Variants in SLIT3 observed in about 807,000 individuals in gnomAD.
The protein encoded by SLIT3 is slit guidance ligand 3.
In SLIT3, 68 loss-of-function variants were observed where a neutral mutation model predicts 184.0. That is an observed-to-expected ratio of 0.37 (90% CI 0.30 to 0.45). SLIT3 has a LOEUF of 0.45. Among genes scored for constraint, SLIT3 ranks in the 20% least tolerant of loss-of-function variants. The pLI is 1.00. For synonymous variants in SLIT3, 831 were observed against 828.6 expected (o/e 1.00, Z -0.05); for missense variants, 1,707 against 2,026.0 (o/e 0.84, Z 3.02).
At chr5:168,863,499 C>G (rs956106533) in intron 5 of SLIT3, among the ~76,000 whole-genome samples, 5 of 152,202 alleles carry the variant, frequency 3.3e-5, no homozygotes, top group Non-Finnish European at 5.9e-5. Context: ...AATAATTCCC[C>G]TCATTCAAAA....
chr5:169,220,203 G>A (rs1331414584), intron 3 of SLIT3, among the ~76,000 whole-genome samples: 1 of 151,864 alleles, frequency 6.6e-6, no homozygotes, highest in African/African-American at 2.4e-5. Flanking sequence ...ACAGTGCCCT[G>A]TATAGCCACT....
chr5:168,818,876 G>C (rs920713660), intron 7 of SLIT3, among the ~76,000 whole-genome samples: 2 of 152,252 alleles, frequency 1.3e-5, no homozygotes, highest in African/African-American at 2.4e-5. Flanking sequence ...CTTGGCCGCC[G>C]CAGGGGGCTC....
At chr5:168,997,744 C>T (rs1291182700) in intron 4 of SLIT3, among the ~76,000 whole-genome samples, 3 of 152,096 alleles carry the variant, frequency 2.0e-5, no homozygotes, top group South Asian at 2.1e-4. Flanking sequence ...GGAGAGAAGA[C>T]CTAGGTAGCA....
intron 5 of SLIT3, among the ~76,000 whole-genome samples, chr5:168,873,495 G>A (rs1478147865): frequency 3.3e-5 from 5 of 151,856 alleles, no homozygotes; most frequent in Admixed American, 1.3e-4. Flanking sequence ...GCCGGGTGTG[G>A]TGGCTCACAC....
At chr5:168,749,412 C>G (rs755251260) in intron 19 of SLIT3, 60 bp downstream of exon 19, 483 of 1,586,926 alleles carry the variant, frequency 3.0e-4, no homozygotes, top group Middle Eastern at 1.0e-3. Flanking sequence ...TGTGCATCTT[C>G]GCCATCTTCC....
chr5:169,274,830 T>C (rs1372643643), intron 1 of SLIT3, among the ~76,000 whole-genome samples: 3 of 152,150 alleles, frequency 2.0e-5, no homozygotes, highest in Admixed American at 2.0e-4. Flanking sequence ...TACTTACCAG[T>C]TGGGTGGTCT....
chr5:168,854,400 C>T (rs926916480), intron 5 of SLIT3, among the ~76,000 whole-genome samples: 2 of 110,140 alleles, frequency 1.8e-5, no homozygotes, highest in Non-Finnish European at 3.6e-5. Context: ...ACCATTGCCT[C>T]CTTGTCTCTC....
intron 4 of SLIT3, among the ~76,000 whole-genome samples, chr5:168,896,520 C>T (rs561528272): frequency 6.6e-6 from 1 of 152,104 alleles, no homozygotes; most frequent in African/African-American, 2.4e-5. Flanking sequence ...GCAGCAACTC[C>T]AGGTCAAGTT....
intron 6 of SLIT3, among the ~76,000 whole-genome samples, chr5:168,835,779 C>T (rs942482632): frequency 6.6e-6 from 1 of 151,326 alleles, no homozygotes; most frequent in Non-Finnish European, 1.5e-5. Flanking sequence ...CCACTGCACT[C>T]CAGCCTGGGT....
At chr5:169,060,052 C>G (rs1347145052) in intron 4 of SLIT3, among the ~76,000 whole-genome samples, 5 of 152,222 alleles carry the variant, frequency 3.3e-5, no homozygotes, top group Non-Finnish European at 7.3e-5. Context: ...TCCCCAGAAC[C>G]TGACCACACT....
chr5:168,990,285 C>T (rs1355571357), intron 4 of SLIT3, among the ~76,000 whole-genome samples: 1 of 152,232 alleles, frequency 6.6e-6, no homozygotes, highest in African/African-American at 2.4e-5. Context: ...GAGAGAGTCA[C>T]AGAGAAGGGT....
intron 3 of SLIT3, among the ~76,000 whole-genome samples, chr5:169,196,526 G>A (rs17667852): frequency 0.14 from 21,908 of 152,132 alleles, 1,930 homozygotes; most frequent in East Asian, 0.45. Flanking sequence ...GCCATGCCAC[G>A]TGCTACACAG....
chr5:169,087,543 T>C (rs1455473744), intron 4 of SLIT3, among the ~76,000 whole-genome samples: 1 of 152,220 alleles, frequency 6.6e-6, no homozygotes, highest in Non-Finnish European at 1.5e-5. Flanking sequence ...GAACAACCTA[T>C]GTGCCTAACA....
At chr5:168,882,631 A>G (rs1372668324) in intron 5 of SLIT3, among the ~76,000 whole-genome samples, 1 of 152,132 alleles carries the variant, frequency 6.6e-6, no homozygotes, top group Admixed American at 6.6e-5. Flanking sequence ...AGATGCTACC[A>G]TTGGAGGAAA....
At chr5:169,043,229 T>G (rs1162765524) in intron 4 of SLIT3, among the ~76,000 whole-genome samples, 1 of 152,246 alleles carries the variant, frequency 6.6e-6, no homozygotes, top group African/African-American at 2.4e-5. Flanking sequence ...AAAGTCAGTT[T>G]TGCTTTGCAC....
At chr5:168,804,574 T>A (rs1356586726) in intron 9 of SLIT3, among the ~76,000 whole-genome samples, 1 of 151,886 alleles carries the variant, frequency 6.6e-6, no homozygotes, top group Admixed American at 6.6e-5. Flanking sequence ...GAATGAATTG[T>A]CAGTATTTGT....
chr5:169,097,627 G>A (rs1241746467), intron 4 of SLIT3, among the ~76,000 whole-genome samples: 1 of 152,130 alleles, frequency 6.6e-6, no homozygotes, highest in Non-Finnish European at 1.5e-5. Context: ...ACGAAGAGTA[G>A]TTACACGATG....
intron 4 of SLIT3, among the ~76,000 whole-genome samples, chr5:169,108,189 A>C (rs1706152995): frequency 6.6e-6 from 1 of 152,256 alleles, no homozygotes; most frequent in African/African-American, 2.4e-5. Flanking sequence ...ACAAAAAGTC[A>C]AAAGTTCTCC....
chr5:168,868,359 C>T (rs767522309), intron 5 of SLIT3, among the ~76,000 whole-genome samples: 36 of 152,178 alleles, frequency 2.4e-4, no homozygotes, highest in African/African-American at 7.5e-4. Context: ...GGTGCCATCA[C>T]GGCTCACTGC....
Sources: gnomAD v4.1 joint callset for allele counts (sites outside exome capture counted in the v4.1 genomes callset) on GRCh38, gnomAD v4.1.1 for gene constraint, MANE v1.5 for transcripts, NCBI Gene and HGNC (gene_info 2026-07-23, HGNC 2026-07-21) for gene names.